NCOR2: variants seen among roughly 807,000 people sequenced by gnomAD.
The protein encoded by NCOR2 is nuclear receptor corepressor 2.
In NCOR2, 81 loss-of-function variants were observed where a neutral mutation model predicts 262.9. That is an observed-to-expected ratio of 0.31 (90% CI 0.26 to 0.37). NCOR2 has a LOEUF of 0.37. Among genes scored for constraint, NCOR2 ranks in the 10% least tolerant of loss-of-function variants. NCOR2 has a pLI of 1.00. For missense variants in NCOR2, 3,385 were observed against 3,621.4 expected (o/e 0.93, Z 1.68); for synonymous variants, 1,659 against 1,559.3 (o/e 1.06, Z -1.51).
intron 22 of NCOR2, among the ~76,000 whole-genome samples, chr12:124,359,641 T>C (rs1042142699): frequency 4.6e-5 from 7 of 152,214 alleles, no homozygotes; most frequent in Non-Finnish European, 8.8e-5. Flanking sequence ...TGTAAGCCTC[T>C]GGTGCTTCCT....
At position 124,479,306 on chromosome 12, in the gene NCOR2, G is replaced by A. The variant is rs369488865; in HGVS notation, c.411+4290C>T. Among the ~76,000 whole-genome samples the A allele has an allele frequency of 1.6e-3, 239 of 149,342 alleles. 2 individuals carry two copies. Among genetic ancestry groups the A allele is most frequent in the African/African-American group, 5.7e-3 (231 of 40,406 alleles). On this transcript the variant is annotated intron_variant, in intron 3 of 46. Coordinates refer to ENST00000405201, the Ensembl canonical transcript of NCOR2. ...TACACACATGCACACTCACGCACATGCACGGACACATGCACACACGTGCGC... is the reference window on the plus strand; with the variant it reads ...TACACACATGCACACTCACGCACATACACGGACACATGCACACACGTGCGC...
In NCOR2 at chr12:124,541,902, A is replaced by T. The variant is rs887866192; in HGVS notation, c.-164-6291T>A. The stretch of plus-strand genomic sequence containing the variant: ...GTGGGGAGTGGAGAGCTGGAGGGGG[A>T]GGGGGTGGAGAGTTGGAGGGGGATG... On this transcript the variant is annotated intron_variant, in intron 1 of 32. Coordinates refer to the NCOR2 transcript ENST00000458234. 4.8e-4 allele frequency among the ~76,000 whole-genome samples: 3 copies of T among 6,232 alleles called. No individual in the cohort carries two copies. In the East Asian group the frequency reaches 0.021, roughly 44 times the overall value. The allele number at this position is 6,232 out of a possible 152,430, so 4.1% of individuals were successfully genotyped here.
chr12:124,380,164 A>G (rs1052688077), intron 17 of NCOR2, among the ~76,000 whole-genome samples: 1 of 152,216 alleles, frequency 6.6e-6, no homozygotes, highest in Non-Finnish European at 1.5e-5. Context: ...GCTCTCGGGC[A>G]AATGCCAGGT....
chr12:124,519,159 G>A (rs10846681), intron 1 of NCOR2, among the ~76,000 whole-genome samples: 23,427 of 140,432 alleles, frequency 0.17, 2,387 homozygotes, highest in East Asian at 0.32. Context: ...TTGGTAGTCA[G>A]CCAGGAGTCT....
In NCOR2 at chr12:124,482,036, G is replaced by A. The variant is rs530896988; in HGVS notation, c.411+1560C>T. ...GACTGGAAGTACGCAGGAGAGCAGG[G>A]AGGTGGCCAGGGTGGAGTCCCTGAG... On this transcript the variant is annotated intron_variant, in intron 3 of 46. Transcript: ENST00000405201. This position sits in a 1 kb window ranked among gnomAD's most constrained non-coding sequence, Gnocchi z 6.3. 7.2e-5 allele frequency among the ~76,000 whole-genome samples: 11 copies of A among 152,128 alleles called. No homozygotes were observed. Among genetic ancestry groups the A allele is most frequent in the Non-Finnish European group, 1.5e-4 (10 of 68,002 alleles).
intron 8 of NCOR2, among the ~76,000 whole-genome samples, chr12:124,431,408 GCAGACAGACAGA>G (rs139984344): frequency 1.3e-5 from 2 of 148,178 alleles, no homozygotes; most frequent in Admixed American, 1.3e-4. Flanking sequence ...AGATACACAG[GCAGACAGACAGA>G]CAGACACACA....
chr12:124,479,271 C>T (rs551455672), intron 3 of NCOR2, among the ~76,000 whole-genome samples: 1 of 151,968 alleles, frequency 6.6e-6, no homozygotes, highest in African/African-American at 2.4e-5. Context: ...AACACACGCA[C>T]ACATGCATAT....
At chr12:124,363,292 C>A (rs560376149) in intron 21 of NCOR2, among the ~76,000 whole-genome samples, 2 of 152,360 alleles carry the variant, frequency 1.3e-5, no homozygotes, top group Admixed American at 1.3e-4. Context: ...GCTGAGAGAA[C>A]CTTCCAGGAG....
At chr12:124,371,429 G>A (rs79957340) in intron 20 of NCOR2, among the ~76,000 whole-genome samples, 18,215 of 152,274 alleles carry the variant, frequency 0.12, 1,296 homozygotes, top group Non-Finnish European at 0.14. Context: ...ATCAAGTTAA[G>A]ATGAAGCTGC....
At chr12:124,468,477 TCATCCTCATCACCC>T (rs1264220237) in intron 4 of NCOR2, among the ~76,000 whole-genome samples, 1 of 8,464 alleles carries the variant, frequency 1.2e-4, no homozygotes. Context: ...CCCATCATCC[TCATCCTCATCACCC>T]CATCACCCTC....
rs148079911 is a variant in NCOR2, at chr12:124,515,805, C to T, written c.-118+19760G>A. ...GTATGTGTGTGCATGTGTGAGTGTG[C>T]GCGTATTTAGTTCTATGTGTTCTTA... On this transcript the variant is annotated intron_variant, in intron 1 of 46. Coordinates refer to the NCOR2 transcript ENST00000404621. Among the ~76,000 whole-genome samples, 13 of 152,136 alleles carry T rather than the reference C, an allele frequency of 8.5e-5. No homozygotes were observed. The East Asian group carries it at 1.3e-3, about 16-fold the overall frequency.
At chr12:124,345,009 G>C (rs2036792543) in intron 31 of NCOR2, 58 bp from the exon 34 acceptor site, 1 of 1,401,184 alleles carries the variant, frequency 7.1e-7, no homozygotes, top group African/African-American at 1.4e-5. Context: ...CAGACCAGCT[G>C]CATCCCCCTT....
intron 11 of NCOR2, 47 bp from the exon 14 acceptor site, chr12:124,422,602 T>C: frequency 6.2e-7 from 1 of 1,608,898 alleles, no homozygotes; most frequent in South Asian, 1.1e-5. Context: ...AGGGGGGCTT[T>C]CCTGCGGGGC....
intron 44 of NCOR2, among the ~76,000 whole-genome samples, chr12:124,330,255 G>A (rs1475537035): frequency 6.6e-6 from 1 of 152,246 alleles, no homozygotes; most frequent in Non-Finnish European, 1.5e-5. Flanking sequence ...GACTCACCAA[G>A]GAAATACACA....
chr12:124,410,175 G>A (rs1033541230), intron 13 of NCOR2, among the ~76,000 whole-genome samples: 1 of 148,850 alleles, frequency 6.7e-6, no homozygotes, highest in African/African-American at 2.5e-5. Flanking sequence ...CCCAGCTTGA[G>A]ATGTCCCCCA....
chr12:124,366,208 G>A lies in NCOR2; in HGVS notation c.2808-2409C>T, dbSNP rs545273481. ...GACAACCCGACATCCACCAAGAGAC[G>A]AATGAGGAGACAAAGCGTGCCCTGT... On this transcript the variant is annotated intron_variant, in intron 20 of 46. Coordinates refer to ENST00000405201, the Ensembl canonical transcript of NCOR2. 9.0e-4 allele frequency among the ~76,000 whole-genome samples: 137 copies of A among 152,278 alleles called. 1 individual carries two copies. Among genetic ancestry groups the A allele is most frequent in the Non-Finnish European group, 1.5e-3 (101 of 68,028 alleles).
chr12:124,458,742 G>A (rs3782280), intron 5 of NCOR2, among the ~76,000 whole-genome samples: 14,408 of 152,238 alleles, frequency 0.095, 885 homozygotes, highest in East Asian at 0.18. Context: ...CAGGATCCAC[G>A]GACAGAGGAA....
At position 124,333,863 on chromosome 12, in the gene NCOR2, T is replaced by TGA. The variant is rs1555299198; in HGVS notation, c.6605+560_6605+561insTC. 1.6e-5 allele frequency among the ~76,000 whole-genome samples: 2 copies of TGA among 124,560 alleles called. 1 individual carries two copies. Among genetic ancestry groups the TGA allele is most frequent in the Non-Finnish European group, 3.5e-5 (2 of 56,736 alleles). 81.7% of individuals were successfully genotyped at this position (124,560 alleles called of 152,430 possible). On this transcript the variant is annotated intron_variant, in intron 41 of 46. Coordinates refer to ENST00000405201, the Ensembl canonical transcript of NCOR2. ...GCCTGTGTGCGGGTGTGCATGTGTG[T>TGA]GTGCGCATGTGTGCGGGTGTGCATG...
At chr12:124,334,383 C>A (rs1395897311) in intron 41 of NCOR2, 41 bp downstream of exon 43, 1 of 1,443,926 alleles carries the variant, frequency 6.9e-7, no homozygotes, top group East Asian at 2.8e-5. Context: ...GAAGGCCTCC[C>A]GCCGGCTGAC....
Sources: allele counts gnomAD v4.1 joint callset (sites outside exome capture counted in the v4.1 genomes callset), GRCh38; gene constraint gnomAD v4.1.1; non-coding constraint Gnocchi (gnomAD v3.1); transcripts MANE v1.5; gene names NCBI Gene and HGNC (gene_info 2026-07-23, HGNC 2026-07-21).